SETD2: variants seen among roughly 807,000 people sequenced by gnomAD.
SETD2 encodes the protein histone-lysine N-methyltransferase SETD2.
SETD2 carries 31 observed loss-of-function variants against 242.1 expected under a neutral mutation model. The observed-to-expected ratio is 0.13, with a 90% CI of 0.10 to 0.17. The LOEUF is 0.17. Ranked by LOEUF, SETD2 falls within the 10% of genes least tolerant of loss-of-function variation. The pLI is 1.00. For missense variants in SETD2, 2,481 were observed against 3,046.3 expected (o/e 0.81, Z 4.37); for synonymous variants, 1,006 against 1,066.5 (o/e 0.94, Z 1.11).
intron 15 of SETD2, among the ~76,000 whole-genome samples, chr3:47,051,818 T>C (rs1156977880): frequency 6.6e-6 from 1 of 152,140 alleles, no homozygotes; most frequent in Non-Finnish European, 1.5e-5. Context: ...AAACTGCTAA[T>C]ATTTTGGAAG....
chr3:47,121,468 CGAATCTGTATCTTCT>C lies in SETD2; in HGVS notation c.3153_3167del (p.Glu1052_Ser1056del), dbSNP rs1559744153. ...GGTTTCTTGGAATACTGCTATCATC[CGAATCTGTATCTTCT>C]GAATCACTTTCATCATTTGAACTTT... On this transcript the variant is annotated inframe_deletion, in exon 3 of 21. Coordinates refer to ENST00000409792, the MANE Select transcript of SETD2 (RefSeq NM_014159.7). The C allele has an allele frequency of 6.2e-7, 1 of 1,613,544 alleles. No homozygotes were observed.
chr3:47,019,961 T>C (rs761146942), intron 18 of SETD2, 121 bp from the exon 19 acceptor site: 5 of 829,086 alleles, frequency 6.0e-6, no homozygotes, highest in African/African-American at 1.7e-5. Flanking sequence ...GGTATTAGAA[T>C]CCGTTTAGAG....
chr3:47,061,563 G>A (rs2040331393), intron 14 of SETD2, among the ~76,000 whole-genome samples: 1 of 152,050 alleles, frequency 6.6e-6, no homozygotes, highest in African/African-American at 2.4e-5. Flanking sequence ...GTAATTAGGG[G>A]AATGCAAATA....
At position 47,017,044 on chromosome 3, in the gene SETD2, C is replaced by T. The variant is rs540496859; in HGVS notation, c.*49G>A. On this transcript the variant is annotated 3_prime_UTR_variant, in exon 21 of 21. Transcript: ENST00000409792. This position sits in a 1 kb window ranked among gnomAD's most constrained non-coding sequence, Gnocchi z 4.8. The stretch of plus-strand genomic sequence containing the variant: ...GAAAGGCCCACAGGATTTCCTCTCC[C>T]TAGAGTCTGTCTTACCTGACCACCC... 1 of 1,584,968 alleles carries T rather than the reference C, an allele frequency of 6.3e-7. No individual in the cohort carries two copies. The highest frequency in any genetic ancestry group is 1.7e-5 in the Admixed American group (1 of 59,696).
intron 18 of SETD2, among the ~76,000 whole-genome samples, chr3:47,024,822 T>C (rs932741426): frequency 1.2e-4 from 19 of 152,222 alleles, no homozygotes; most frequent in African/African-American, 4.3e-4. Flanking sequence ...ATTGTGCAAG[T>C]AGTAATAATT....
chr3:47,121,190 C>T lies in SETD2; in HGVS notation c.3446G>A (p.Ser1149Asn), dbSNP rs757222335. The change falls in exon 3 of 21, where the codon AGT becomes AAT. Residue 1149 changes from serine to asparagine, a missense_variant. By Grantham distance (46) the Ser-to-Asn change is conservative. Around this residue, in one of 17 missense-constraint regions of SETD2, gnomAD observed 1,300 missense variants for 1,259.2 expected, o/e 1.03. Coordinates refer to ENST00000409792, the MANE Select transcript of SETD2 (RefSeq NM_014159.7). ...KNPEISFTQS[S>N]RKQIDNRLPE... ...CAGGCGATTATCTATTTGTTTTCTA[C>T]TGGACTGTGTAAAAGAAATTTCCGG... 1.2e-6 allele frequency: 2 copies of T among 1,614,100 alleles called. No individual in the cohort carries two copies. The highest frequency in any genetic ancestry group is 2.2e-5 in the South Asian group (2 of 91,068).
intron 17 of SETD2, chr3:47,041,388 C>A: frequency 2.2e-6 from 1 of 448,036 alleles, no homozygotes. Flanking sequence ...TGCCTCACGC[C>A]TGTCATCCCA....
intron 1 of SETD2, among the ~76,000 whole-genome samples, chr3:47,132,766 TAC>T (rs1262167297): frequency 6.6e-6 from 1 of 152,170 alleles, no homozygotes; most frequent in Non-Finnish European, 1.5e-5. Context: ...AAAACTAAAA[TAC>T]AGTGTTTCTT....
chr3:47,116,870 G>T (rs1394316700), intron 3 of SETD2, 116 bp from the exon 4 acceptor site: 2 of 690,514 alleles, frequency 2.9e-6, no homozygotes, highest in Admixed American at 2.9e-5. Flanking sequence ...TTTAAACAGG[G>T]TCTTGTTCTG....
intron 1 of SETD2, among the ~76,000 whole-genome samples, chr3:47,137,122 C>T (rs1315503132): frequency 1.3e-4 from 20 of 148,238 alleles, no homozygotes; most frequent in Admixed American, 1.3e-3. Context: ...ATGTTATTTC[C>T]TTTGAGATTC....
chr3:47,076,629 T>C (rs1442175094), intron 12 of SETD2, among the ~76,000 whole-genome samples: 1 of 152,222 alleles, frequency 6.6e-6, no homozygotes, highest in Non-Finnish European at 1.5e-5. Flanking sequence ...AACAAGCATC[T>C]ACACAAGAAG....
intron 8 of SETD2, 118 bp downstream of exon 8, chr3:47,101,340 G>C: frequency 1.6e-6 from 1 of 618,706 alleles, no homozygotes; most frequent in Non-Finnish European, 2.9e-6. Context: ...ATATCTTATA[G>C]ATAAGAGTTA....
intron 17 of SETD2, chr3:47,041,313 T>C: frequency 2.4e-6 from 1 of 417,198 alleles, no homozygotes; most frequent in Non-Finnish European, 4.8e-6. Flanking sequence ...CCTGTGGGCA[T>C]AGTTTGCCAG....
At chr3:47,119,905 T>C in intron 3 of SETD2, 1 of 441,610 alleles carries the variant, frequency 2.3e-6, no homozygotes, top group Non-Finnish European at 4.2e-6. Flanking sequence ...ATTACAGAAA[T>C]ACTGGGCTAG....
intron 1 of SETD2, among the ~76,000 whole-genome samples, chr3:47,130,874 T>A (rs1242006437): frequency 6.6e-6 from 1 of 152,108 alleles, no homozygotes; most frequent in Non-Finnish European, 1.5e-5. Context: ...AAAGAATCCA[T>A]ATCAACACGA....
intron 1 of SETD2, among the ~76,000 whole-genome samples, chr3:47,128,386 A>G (rs1370921554): frequency 6.6e-6 from 1 of 152,252 alleles, no homozygotes; most frequent in African/African-American, 2.4e-5. Context: ...AAAGGAAGCT[A>G]CAAAAGGACA....
intron 11 of SETD2, among the ~76,000 whole-genome samples, chr3:47,085,915 C>T (rs1202666738): frequency 6.6e-6 from 1 of 152,266 alleles, no homozygotes; most frequent in African/African-American, 2.4e-5. Flanking sequence ...GGATCTTTCA[C>T]TTAACTATGT....
chr3:47,094,216 G>C (rs2041917994), intron 9 of SETD2, among the ~76,000 whole-genome samples: 1 of 152,098 alleles, frequency 6.6e-6, no homozygotes, highest in Non-Finnish European at 1.5e-5. Context: ...AATAACATCA[G>C]GTCATAGTAG....
intron 5 of SETD2, among the ~76,000 whole-genome samples, chr3:47,112,432 C>A (rs1426878729): frequency 6.6e-6 from 1 of 152,110 alleles, no homozygotes; most frequent in African/African-American, 2.4e-5. Flanking sequence ...TTGGTGCCTG[C>A]CACCACATCC....
Sources: allele counts gnomAD v4.1 joint callset (sites outside exome capture counted in the v4.1 genomes callset), GRCh38; gene constraint gnomAD v4.1.1; regional missense constraint gnomAD v4.1.1; non-coding constraint Gnocchi (gnomAD v3.1); transcripts MANE v1.5; gene names NCBI Gene and HGNC (gene_info 2026-07-23, HGNC 2026-07-21).